Variants in DNAH3 observed in about 807,000 individuals in gnomAD.
DNAH3 encodes the protein dynein axonemal heavy chain 3.
Under a neutral mutation model 432.5 loss-of-function variants are expected in DNAH3, and 332 were observed. That is an observed-to-expected ratio of 0.77 (90% CI 0.70 to 0.84). The LOEUF (loss-of-function observed/expected upper bound fraction) is 0.84. Among genes scored for constraint, DNAH3 ranks in the 40% least tolerant of loss-of-function variants. The probability of loss-of-function intolerance (pLI) is 0.00; values close to 1 mark genes in which losing one functional copy is unlikely to be tolerated. For missense variants in DNAH3, 4,861 were observed against 5,114.0 expected (o/e 0.95, Z 1.51); for synonymous variants, 1,956 against 1,900.2 (o/e 1.03, Z -0.76).
chr16:20,966,111 C>T (rs943695578), intron 52 of DNAH3, among the ~76,000 whole-genome samples: 2 of 136,038 alleles, frequency 1.5e-5, no homozygotes, highest in African/African-American at 5.5e-5. Context: ...GACCTTGGCT[C>T]ACTGCAACCT....
chr16:21,012,305 T>C (rs1386674847), intron 41 of DNAH3, among the ~76,000 whole-genome samples: 1 of 151,858 alleles, frequency 6.6e-6, no homozygotes, highest in South Asian at 2.1e-4. Flanking sequence ...CCAGGCAAAA[T>C]AAACAAAAGA....
intron 7 of DNAH3, among the ~76,000 whole-genome samples, chr16:21,131,084 C>T (rs962200913): frequency 6.6e-6 from 1 of 152,130 alleles, no homozygotes; most frequent in Non-Finnish European, 1.5e-5. Context: ...TGCCTGTAAT[C>T]GCAACACTTT....
chr16:21,033,493 T>A (rs1201787944), intron 36 of DNAH3, among the ~76,000 whole-genome samples: 1 of 152,098 alleles, frequency 6.6e-6, no homozygotes, highest in Non-Finnish European at 1.5e-5. Context: ...ACAGGTTTAG[T>A]CATTTGCCCA....
chr16:21,152,158 TGGGA>T (rs2092859725), intron 1 of DNAH3, among the ~76,000 whole-genome samples: 1 of 151,900 alleles, frequency 6.6e-6, no homozygotes, highest in Non-Finnish European at 1.5e-5. Context: ...CGCTTGAACC[TGGGA>T]GGGAGGTTGC....
chr16:20,989,674 T>C (rs2086441464), intron 44 of DNAH3, among the ~76,000 whole-genome samples: 1 of 152,224 alleles, frequency 6.6e-6, no homozygotes, highest in Non-Finnish European at 1.5e-5. Flanking sequence ...TCGATGGGAC[T>C]GGGCGCCGTG....
Position 20,965,443 on chromosome 16 carries a change from CAG to C in DNAH3, c.8459-20_8459-19del, listed in dbSNP as rs1392933605. 1.3e-6 allele frequency: 2 copies of C among 1,502,582 alleles called. No individual in the cohort carries two copies. The highest frequency in any genetic ancestry group is 2.8e-5 in the African/African-American group (2 of 71,420). The allele number at this position is 1,502,582 out of a possible 1,614,324, so 93.1% of individuals were successfully genotyped here. On this transcript the variant is annotated intron_variant, in intron 52 of 61. Coordinates refer to ENST00000261383, the Ensembl canonical transcript of DNAH3. ...CATCTTACCTATTTGGAACAAGAAA[CAG>C]AGATAATGTGTTAAGACATTCTGGC...
intron 34 of DNAH3, among the ~76,000 whole-genome samples, chr16:21,037,435 A>G (rs1201103842): frequency 6.6e-6 from 1 of 152,232 alleles, no homozygotes; most frequent in African/African-American, 2.4e-5. Context: ...GATAGTAATG[A>G]CTTCTGTCCT....
chr16:20,988,915 G>A (rs1051765770), intron 44 of DNAH3, among the ~76,000 whole-genome samples: 6 of 152,132 alleles, frequency 3.9e-5, no homozygotes, highest in African/African-American at 9.7e-5. Flanking sequence ...CAGCTCTTAA[G>A]GCGGCATGTC....
At chr16:21,153,692 A>C (rs2092878486) in intron 1 of DNAH3, among the ~76,000 whole-genome samples, 1 of 152,114 alleles carries the variant, frequency 6.6e-6, no homozygotes, top group Non-Finnish European at 1.5e-5. Flanking sequence ...CACCAGAAGG[A>C]AGAAACTCCG....
At chr16:21,151,178 C>T (rs4783383) in intron 1 of DNAH3, among the ~76,000 whole-genome samples, 24,323 of 152,116 alleles carry the variant, frequency 0.16, 2,403 homozygotes, top group South Asian at 0.25. Context: ...TGTTTAATCT[C>T]TCCAAGTGTC....
intron 7 of DNAH3, among the ~76,000 whole-genome samples, chr16:21,132,773 C>CT (rs2092584647): frequency 6.6e-6 from 1 of 152,124 alleles, no homozygotes; most frequent in Admixed American, 6.6e-5. Context: ...TAATGGGTTT[C>CT]TTTTTGGGGT....
At chr16:21,157,481 C>A (rs1597510269) in intron 1 of DNAH3, among the ~76,000 whole-genome samples, 1 of 152,040 alleles carries the variant, frequency 6.6e-6, no homozygotes, top group East Asian at 1.9e-4. Flanking sequence ...AGGTGCGCAC[C>A]ACCATGCCTG....
At chr16:21,037,107 G>A (rs569911646) in intron 34 of DNAH3, among the ~76,000 whole-genome samples, 6 of 152,206 alleles carry the variant, frequency 3.9e-5, no homozygotes, top group East Asian at 3.9e-4. Context: ...TCAGGAGTTC[G>A]AGACCAGCCT....
intron 37 of DNAH3, among the ~76,000 whole-genome samples, chr16:21,027,414 AG>A (rs1167008092): frequency 6.6e-6 from 1 of 151,874 alleles, no homozygotes; most frequent in Non-Finnish European, 1.5e-5. Flanking sequence ...TTAGTAGAAG[AG>A]GGGGTTGCAT....
At chr16:20,976,059 T>A (rs1434036737) in intron 50 of DNAH3, among the ~76,000 whole-genome samples, 1 of 151,520 alleles carries the variant, frequency 6.6e-6, no homozygotes, top group Non-Finnish European at 1.5e-5. Flanking sequence ...AATTTTTTTT[T>A]AAACTACATT....
intron 1 of DNAH3, among the ~76,000 whole-genome samples, chr16:21,153,277 C>G (rs2092874802): frequency 6.6e-6 from 1 of 152,160 alleles, no homozygotes; most frequent in Non-Finnish European, 1.5e-5. Context: ...TGTAAACACA[C>G]CAATCAGCAC....
At chr16:21,118,964 G>T (rs377245300) in intron 11 of DNAH3, among the ~76,000 whole-genome samples, 4 of 152,162 alleles carry the variant, frequency 2.6e-5, no homozygotes, top group South Asian at 4.1e-4. Flanking sequence ...AGTTACATGG[G>T]TTATATGCCT....
At chr16:20,987,761 C>T (rs1306552701) in exon 46 of DNAH3, 22 of 1,613,998 alleles carry the variant, frequency 1.4e-5, no homozygotes, top group East Asian at 2.2e-5. Context: ...AGGTTAAAGA[C>T]GTAATGTGAC....
chr16:20,945,506 T>G (rs1186067123), intron 57 of DNAH3, among the ~76,000 whole-genome samples: 2 of 152,064 alleles, frequency 1.3e-5, no homozygotes, highest in African/African-American at 4.8e-5. Flanking sequence ...CTTTTTTTTT[T>G]TTTTGAGACA....
Sources: allele counts gnomAD v4.1 joint callset (sites outside exome capture counted in the v4.1 genomes callset), GRCh38; gene constraint gnomAD v4.1.1; transcripts MANE v1.5; gene names NCBI Gene and HGNC (gene_info 2026-07-23, HGNC 2026-07-21).